The following DLGAP2 variants were observed in gnomAD, a reference collection of about 807,000 sequenced individuals.
The protein encoded by DLGAP2 is disks large-associated protein 2.
DLGAP2 carries 26 observed loss-of-function variants against 100.3 expected under a neutral mutation model. The ratio of observed to expected loss-of-function variants is 0.26; its 90% confidence interval spans 0.19 to 0.36. DLGAP2 has a LOEUF of 0.36. DLGAP2 is among the 10% of genes least tolerant of loss of function. The probability of loss-of-function intolerance (pLI) is 1.00; values close to 1 mark genes in which losing one functional copy is unlikely to be tolerated. For synonymous variants in DLGAP2, 886 were observed against 630.1 expected (o/e 1.41, Z -6.08); for missense variants, 1,858 against 1,453.2 (o/e 1.28, Z -4.53).
Position 1,270,004 on chromosome 8 carries a change from G to A in DLGAP2, c.106+11121G>A, listed in dbSNP as rs368266350. On this transcript the variant is annotated intron_variant, in intron 3 of 14. Coordinates refer to ENST00000637795, the MANE Select transcript of DLGAP2 (RefSeq NM_001346810.2). Reference sequence around the variant, plus strand: ...TCTTGAAACCGGTATTTTCCTGGGCGGGGAGCATTTTCATCACAGGCCTTG... The same window carrying A: ...TCTTGAAACCGGTATTTTCCTGGGCAGGGAGCATTTTCATCACAGGCCTTG... 5.3e-5 allele frequency among the ~76,000 whole-genome samples: 8 copies of A among 152,254 alleles called. No individual in the cohort carries two copies. The South Asian group carries it at 1.5e-3, about 28-fold the overall frequency.
intron 2 of DLGAP2, among the ~76,000 whole-genome samples, chr8:964,788 C>T (rs1274670452): frequency 6.6e-6 from 1 of 152,246 alleles, no homozygotes; most frequent in Non-Finnish European, 1.5e-5. Flanking sequence ...TCTTGCTGCT[C>T]TGTGCAGATT....
chr8:860,934 G>A (rs1276264704), intron 1 of DLGAP2, among the ~76,000 whole-genome samples: 1 of 152,190 alleles, frequency 6.6e-6, no homozygotes, highest in African/African-American at 2.4e-5. Flanking sequence ...TAGGAAGGCT[G>A]CTCGTGACCT....
At chr8:802,625 G>A (rs975212004) in intron 1 of DLGAP2, among the ~76,000 whole-genome samples, 19 of 152,146 alleles carry the variant, frequency 1.2e-4, no homozygotes, top group Non-Finnish European at 2.5e-4. Flanking sequence ...CACAGCCCCC[G>A]AGAGGCTGCA....
rs1159366207 is a variant in DLGAP2, at chr8:1,477,537, C to T, written c.107-23829C>T. Among the ~76,000 whole-genome samples the T allele has an allele frequency of 2.6e-5, 4 of 152,308 alleles. No individual in the cohort carries two copies. The East Asian group carries it at 5.8e-4, about 22-fold the overall frequency. On this transcript the variant is annotated intron_variant, in intron 3 of 14. Transcript: ENST00000637795. Reference sequence around the variant, plus strand: ...TGGCTCAGAAACGCAGCTGCACAGCCTGAGAGCCGGCAGCCCGGTGGTCAT... The same window carrying T: ...TGGCTCAGAAACGCAGCTGCACAGCTTGAGAGCCGGCAGCCCGGTGGTCAT...
chr8:1,652,417 T>G (rs1798188431), intron 8 of DLGAP2, among the ~76,000 whole-genome samples: 1 of 152,178 alleles, frequency 6.6e-6, no homozygotes, highest in African/African-American at 2.4e-5. Flanking sequence ...TAGATAGAAA[T>G]GTTTGTTGAT....
chr8:1,252,764 C>T (rs574318204), intron 2 of DLGAP2, among the ~76,000 whole-genome samples: 15 of 152,376 alleles, frequency 9.8e-5, no homozygotes, highest in African/African-American at 3.1e-4. Context: ...TGTTGAAGCG[C>T]GGCCGGATGT....
chr8:1,066,453 C>T (rs1320365859), intron 2 of DLGAP2, among the ~76,000 whole-genome samples: 2 of 145,520 alleles, frequency 1.4e-5, no homozygotes, highest in Non-Finnish European at 3.0e-5. Context: ...CCACCTTGGG[C>T]AGGTCTGGGT....
chr8:1,481,465 CTTTTTCTT>C (rs1293431169), intron 3 of DLGAP2, among the ~76,000 whole-genome samples: 2 of 81,690 alleles, frequency 2.4e-5, no homozygotes, highest in African/African-American at 8.9e-5. Flanking sequence ...TTTTCTTTTT[CTTTTTCTT>C]TTTTTTTTTT....
At chr8:1,423,459 C>G (rs542486107) in intron 3 of DLGAP2, among the ~76,000 whole-genome samples, 1 of 152,358 alleles carries the variant, frequency 6.6e-6, no homozygotes, top group South Asian at 2.1e-4. Flanking sequence ...ATGACCACTG[C>G]CCTGCCATCT....
intron 2 of DLGAP2, among the ~76,000 whole-genome samples, chr8:965,764 CTGCGCT>C (rs1799852861): frequency 3.0e-5 from 4 of 134,998 alleles, no homozygotes; most frequent in African/African-American, 5.5e-5. Flanking sequence ...AGTCTGACCC[CTGCGCT>C]GCACACGGCA....
intron 3 of DLGAP2, among the ~76,000 whole-genome samples, chr8:1,332,079 C>A (rs1801169521): frequency 6.6e-6 from 1 of 152,190 alleles, no homozygotes; most frequent in Non-Finnish European, 1.5e-5. Flanking sequence ...GTTTCCATGG[C>A]CTGGCACAGC....
At chr8:988,940 G>A (rs1425345170) in intron 2 of DLGAP2, among the ~76,000 whole-genome samples, 1 of 152,208 alleles carries the variant, frequency 6.6e-6, no homozygotes, top group African/African-American at 2.4e-5. Context: ...TCCACATGCT[G>A]TGGATTTTTA....
intron 2 of DLGAP2, among the ~76,000 whole-genome samples, chr8:1,196,038 C>T (rs118110375): frequency 4.6e-5 from 7 of 152,160 alleles, no homozygotes; most frequent in Non-Finnish European, 7.3e-5. Flanking sequence ...ATAGCCATGA[C>T]GTAGAGAAAA....
At chr8:1,450,637 C>T (rs960404580) in intron 3 of DLGAP2, among the ~76,000 whole-genome samples, 1 of 145,540 alleles carries the variant, frequency 6.9e-6, no homozygotes, top group Non-Finnish European at 1.5e-5. Context: ...ACTTTGTCTT[C>T]CCCCCCATCA....
intron 2 of DLGAP2, among the ~76,000 whole-genome samples, chr8:1,138,451 G>A (rs183531108): frequency 2.8e-4 from 42 of 152,310 alleles, no homozygotes; most frequent in African/African-American, 7.9e-4. Flanking sequence ...TGCCTCACTC[G>A]TGGCCTCACT....
intron 2 of DLGAP2, among the ~76,000 whole-genome samples, chr8:1,164,714 T>C (rs992877191): frequency 6.6e-6 from 1 of 152,170 alleles, no homozygotes; most frequent in Non-Finnish European, 1.5e-5. Context: ...GTGAAGTTTG[T>C]CTTTCTGACT....
intron 3 of DLGAP2, among the ~76,000 whole-genome samples, chr8:1,407,919 C>G (rs181129453): frequency 6.6e-6 from 1 of 152,150 alleles, no homozygotes; most frequent in Non-Finnish European, 1.5e-5. Context: ...GACTGAGTAC[C>G]GCAGGGTCCA....
chr8:925,589 T>C (rs991943964), intron 2 of DLGAP2, among the ~76,000 whole-genome samples: 3 of 152,180 alleles, frequency 2.0e-5, no homozygotes, highest in African/African-American at 7.2e-5. Flanking sequence ...CCTGTGGGCT[T>C]TGCAGGTGTA....
intron 2 of DLGAP2, among the ~76,000 whole-genome samples, chr8:1,052,252 G>T (rs1185810831): frequency 6.6e-6 from 1 of 152,184 alleles, no homozygotes. Flanking sequence ...AGCCCAGGGG[G>T]TTTTACCTCA....
Sources: gnomAD v4.1 joint callset for allele counts (sites outside exome capture counted in the v4.1 genomes callset) on GRCh38, gnomAD v4.1.1 for gene constraint, MANE v1.5 for transcripts, NCBI Gene and HGNC (gene_info 2026-07-23, HGNC 2026-07-21) for gene names.